Variants in NRK observed in about 807,000 individuals in gnomAD.
The protein encoded by NRK is nik-related protein kinase.
A neutral mutation model predicts 125.2 loss-of-function variants in NRK; 67 were observed. The observed-to-expected ratio is 0.54, with a 90% CI of 0.44 to 0.66. The LOEUF (loss-of-function observed/expected upper bound fraction) is 0.66. NRK is among the 30% of genes least tolerant of loss of function. The pLI, the probability that NRK is intolerant of heterozygous loss-of-function variation, is 0.00. For synonymous variants in NRK, 458 were observed against 429.0 expected (o/e 1.07, Z -0.84); for missense variants, 1,224 against 1,192.9 (o/e 1.03, Z -0.38).
Position 105,949,701 on chromosome X carries a change from C to T in NRK, c.4480C>T (p.Leu1494Phe), listed in dbSNP as rs757904272. The T allele has an allele frequency of 2.3e-5, 27 of 1,198,858 alleles. No individual in the cohort carries two copies. The Admixed American group carries it at 3.1e-4, about 14-fold the overall frequency. The change falls in exon 27 of 29, where the codon CTT (leucine) becomes TTT (phenylalanine). Residue 1494 changes from leucine to phenylalanine, a missense_variant. By Grantham distance (22) the Leu-to-Phe change is conservative. Coordinates refer to ENST00000243300, the MANE Select transcript of NRK (RefSeq NM_198465.4). ...AAATGAACAACTCTTCAAGAAGATC[C>T]TTGAAATGTGGAAAGACATACCATC... is the stretch of plus-strand genomic sequence containing the variant. ...EANEQLFKKI[L>F]EMWKDIPSSI...
At position 105,949,326 on chromosome X, in the gene NRK, T is replaced by C. The variant is rs191680251; in HGVS notation, c.4354-249T>C. Among the ~76,000 whole-genome samples, 122 of 112,236 alleles carry C rather than the reference T, an allele frequency of 1.1e-3. No individual in the cohort carries two copies. The South Asian group carries it at 0.017, about 16-fold the overall frequency. On this transcript the variant is annotated intron_variant, in intron 26 of 28. Coordinates refer to ENST00000243300, the MANE Select transcript of NRK (RefSeq NM_198465.4). Reference sequence around the variant, plus strand: ...AATCTCTTTGTGTTGGAAATACATCTTTGCTTTTTTAAAATAAGGCTTTCT... The same window carrying C: ...AATCTCTTTGTGTTGGAAATACATCCTTGCTTTTTTAAAATAAGGCTTTCT...
In NRK at chrX:105,880,143, T is replaced by C; in HGVS notation, c.124-56T>C. 4 of 561,530 alleles carry C rather than the reference T, an allele frequency of 7.1e-6. No homozygotes were observed. In the South Asian group the frequency reaches 1.7e-4, roughly 24 times the overall value. 46.3% of individuals were successfully genotyped at this position (561,530 alleles called of 1,213,427 possible). On this transcript the variant is annotated intron_variant, in intron 2 of 28. Coordinates refer to ENST00000243300, the MANE Select transcript of NRK (RefSeq NM_198465.4). ...TAATATTTTCTACTTTAATTGCTTC[T>C]TGATAGCTGGATTACCTAGCCAGCA...
chrX:105,832,967 T>A (rs2039214098), intron 2 of NRK, among the ~76,000 whole-genome samples: 1 of 111,320 alleles, frequency 9.0e-6, no homozygotes, highest in Non-Finnish European at 1.9e-5. Flanking sequence ...TGCTTGAGAC[T>A]GCAGTGGATT....
intron 2 of NRK, among the ~76,000 whole-genome samples, chrX:105,844,493 C>T (rs1026645845): frequency 8.9e-6 from 1 of 112,194 alleles, no homozygotes; most frequent in Non-Finnish European, 1.9e-5. Flanking sequence ...TTTTACATTA[C>T]ATCCAAATGC....
At chrX:105,831,140 T>C in intron 2 of NRK, 21 bp downstream of exon 2, 2 of 957,871 alleles carry the variant, frequency 2.1e-6, no homozygotes, top group Non-Finnish European at 3.0e-6. Context: ...TTACATTATT[T>C]ATTCATTCTT....
At chrX:105,949,501 C>T in intron 26 of NRK, 74 bp from the exon 27 acceptor site, 1 of 836,544 alleles carries the variant, frequency 1.2e-6, no homozygotes, top group Middle Eastern at 3.0e-4. Flanking sequence ...CTTTATTGCT[C>T]TGCCAAGCTG....
intron 5 of NRK, among the ~76,000 whole-genome samples, chrX:105,890,036 G>A (rs1471137942): frequency 9.0e-6 from 1 of 111,702 alleles, no homozygotes; most frequent in Non-Finnish European, 1.9e-5. Flanking sequence ...GCATAATCAG[G>A]CTGCAAATTT....
intron 2 of NRK, among the ~76,000 whole-genome samples, chrX:105,854,111 C>A (rs1241871530): frequency 1.8e-5 from 2 of 111,757 alleles, no homozygotes; most frequent in Non-Finnish European, 3.8e-5. Flanking sequence ...AATGTTTCTG[C>A]AGAACTTTCA....
In NRK at chrX:105,906,552, G is replaced by C. The variant is rs764502889; in HGVS notation, c.984G>C (p.Arg328Ser). ...GACATGTTGTTGAGTCATTAACAAG[G>C]CATCTTACTGGAATCATTAAAAAAA... ...NERHVVESLTRHLTGIIKKRQ... is the reference protein window; with the variant it reads ...NERHVVESLTSHLTGIIKKRQ... The change falls in exon 11 of 29, where the codon AGG becomes AGC. Residue 328 changes from arginine to serine, a missense_variant. Arg to Ser is a moderately radical substitution (Grantham distance 110). Coordinates refer to ENST00000243300, the MANE Select transcript of NRK (RefSeq NM_198465.4). 5 of 1,114,383 alleles carry C rather than the reference G, an allele frequency of 4.5e-6. No individual in the cohort carries two copies. The highest frequency in any genetic ancestry group is 6.0e-6 in the Non-Finnish European group (5 of 833,585). 91.8% of individuals were successfully genotyped at this position (1,114,383 alleles called of 1,213,427 possible).
At chrX:105,922,133 A>G (rs2040459843) in intron 17 of NRK, 72 bp downstream of exon 17, 1 of 496,443 alleles carries the variant, frequency 2.0e-6, no homozygotes, top group Non-Finnish European at 3.4e-6. Flanking sequence ...ACACATTCTC[A>G]TATTCACTTG....
chrX:105,850,560 A>T (rs1465742499), intron 2 of NRK, among the ~76,000 whole-genome samples: 1 of 112,418 alleles, frequency 8.9e-6, no homozygotes, highest in Non-Finnish European at 1.9e-5. Flanking sequence ...TTTCCCTTTT[A>T]AAATGGAATG....
chrX:105,825,127 A>AT (rs1339762579), intron 1 of NRK, among the ~76,000 whole-genome samples: 1 of 111,649 alleles, frequency 9.0e-6, no homozygotes, highest in African/African-American at 3.3e-5. Context: ...ACTGAGTTAT[A>AT]TTTTTCAGCG....
chrX:105,835,197 A>G (rs2039246720), intron 2 of NRK, among the ~76,000 whole-genome samples: 1 of 111,867 alleles, frequency 8.9e-6, no homozygotes, highest in African/African-American at 3.2e-5. Flanking sequence ...CAATCTAATA[A>G]GAAGATAAAC....
chrX:105,873,045 T>TTAA (rs2039767862), intron 2 of NRK, among the ~76,000 whole-genome samples: 1 of 111,640 alleles, frequency 9.0e-6, no homozygotes, highest in African/African-American at 3.3e-5. Flanking sequence ...GACATGAGTG[T>TTAA]AGTAAGTGCC....
rs757562563 is a variant in NRK at position 105,924,756 on chromosome X, G to A, written c.3037G>A (p.Glu1013Lys). Residue 1013 changes from glutamate to lysine, a missense_variant, in exon 19 of 29, where the codon GAG becomes AAG. Coordinates refer to ENST00000243300, the MANE Select transcript of NRK (RefSeq NM_198465.4). ...TGGTTATGATGGAAGTCGTGGAAAA[G>A]AGGAAGCCTACAGAGGCTATGGAAG... ...QDGYDGSRGK[E>K]EAYRGYGSHT... is the part of the protein sequence containing the mutation. 4 of 1,205,618 alleles carry A rather than the reference G, an allele frequency of 3.3e-6. No individual in the cohort carries two copies. The South Asian group carries it at 7.2e-5, about 22-fold the overall frequency.
At position 105,939,978 on chromosome X, in the gene NRK, G is replaced by C; in HGVS notation, c.3904G>C (p.Glu1302Gln). 1 of 1,190,185 alleles carries C rather than the reference G, an allele frequency of 8.4e-7. No homozygotes were observed. The highest frequency in any genetic ancestry group is 1.1e-6 in the Non-Finnish European group (1 of 880,907). ...AAGGCAAGAAGAAATGCTGAAGACA[G>C]AGGAAGCCTGCAAAGCTATTGATAA... ...KRRQEEMLKTEEACKAIDKLT... is the reference protein window; with the variant it reads ...KRRQEEMLKTQEACKAIDKLT... Residue 1302 changes from glutamate (E) to glutamine (Q), a missense_variant, in exon 23 of 29, where the codon GAG (glutamate) becomes CAG (glutamine). Glu to Gln is a conservative substitution (Grantham distance 29). Coordinates refer to ENST00000243300, the MANE Select transcript of NRK (RefSeq NM_198465.4).
intron 2 of NRK, among the ~76,000 whole-genome samples, chrX:105,852,361 G>C (rs1385450063): frequency 1.8e-5 from 2 of 111,655 alleles, no homozygotes; most frequent in African/African-American, 3.3e-5. Flanking sequence ...TATAAAAGAA[G>C]TTTTGGTACT....
At position 105,956,230 on chromosome X, in the gene NRK, G is replaced by A. The variant is rs371845881; in HGVS notation, c.*630G>A. On this transcript the variant is annotated 3_prime_UTR_variant, in exon 29 of 29. Coordinates refer to ENST00000243300, the MANE Select transcript of NRK (RefSeq NM_198465.4). ...TGTTCTTTTCACCCATTTTTAAGCT[G>A]GTTTTCTCCTGATAAGAAGAAAGGA... 9.0e-6 allele frequency: 1 copy of A among 111,157 alleles called. No individual in the cohort carries two copies. Among genetic ancestry groups the A allele is most frequent in the African/African-American group, 3.3e-5 (1 of 30,467 alleles). 9.2% of individuals were successfully genotyped at this position (111,157 alleles called of 1,213,427 possible).
chrX:105,921,570 T>C (rs1210405454), intron 16 of NRK, among the ~76,000 whole-genome samples: 2 of 110,422 alleles, frequency 1.8e-5, no homozygotes, highest in Non-Finnish European at 3.8e-5. Context: ...TCGGGCTTTT[T>C]TTTCTACTGG....
Sources: gnomAD v4.1 joint callset for allele counts (sites outside exome capture counted in the v4.1 genomes callset) on GRCh38, gnomAD v4.1.1 for gene constraint, MANE v1.5 for transcripts, NCBI Gene and HGNC (gene_info 2026-07-23, HGNC 2026-07-21) for gene names.